The following MAGI2 variants were observed in gnomAD, a reference collection of about 807,000 sequenced individuals.
MAGI2 encodes membrane associated guanylate kinase, WW and PDZ domain containing 2.
In MAGI2, 35 loss-of-function variants were observed where a neutral mutation model predicts 133.3. The observed-to-expected ratio is 0.26, with a 90% CI of 0.20 to 0.35. The LOEUF is 0.35. MAGI2 is among the 10% of genes least tolerant of loss of function. The pLI is 1.00. For synonymous variants in MAGI2, 729 were observed against 710.6 expected (o/e 1.03, Z -0.41); for missense variants, 1,636 against 1,863.4 (o/e 0.88, Z 2.25).
intron 6 of MAGI2, among the ~76,000 whole-genome samples, chr7:78,395,129 C>A (rs761696870): frequency 1.3e-4 from 20 of 152,134 alleles, no homozygotes; most frequent in Admixed American, 2.6e-4. Context: ...GCTGTCTTGT[C>A]TTTCCTTCAA....
chr7:79,406,685 G>A (rs114707789), intron 1 of MAGI2, among the ~76,000 whole-genome samples: 328 of 152,072 alleles, frequency 2.2e-3, no homozygotes, highest in African/African-American at 7.4e-3. Context: ...AGTTACATAA[G>A]GATCTCCTAT....
At chr7:78,225,093 C>T (rs1010843336) in intron 10 of MAGI2, among the ~76,000 whole-genome samples, 7 of 152,130 alleles carry the variant, frequency 4.6e-5, no homozygotes, top group Non-Finnish European at 8.8e-5. Context: ...TCCCTGGAGT[C>T]TTTCTTTGGG....
At chr7:78,124,610 C>A (rs1375669543) in intron 20 of MAGI2, among the ~76,000 whole-genome samples, 2 of 152,086 alleles carry the variant, frequency 1.3e-5, no homozygotes, top group African/African-American at 4.8e-5. Flanking sequence ...CCCAAAGCCA[C>A]AGCTTTTCTT....
intron 2 of MAGI2, among the ~76,000 whole-genome samples, chr7:78,883,473 C>T (rs918845061): frequency 6.6e-6 from 1 of 152,102 alleles, no homozygotes; most frequent in Non-Finnish European, 1.5e-5. Context: ...CAATGCTATT[C>T]CTTTCAAACT....
At chr7:78,022,037 C>T (rs1253669499) in intron 21 of MAGI2, among the ~76,000 whole-genome samples, 35 of 152,174 alleles carry the variant, frequency 2.3e-4, no homozygotes, top group Non-Finnish European at 2.9e-5. Flanking sequence ...GCAGTCATTT[C>T]CAGGTGCTGT....
intron 2 of MAGI2, among the ~76,000 whole-genome samples, chr7:78,774,921 T>G (rs1825865918): frequency 1.3e-5 from 2 of 152,152 alleles, no homozygotes; most frequent in Admixed American, 6.6e-5. Flanking sequence ...CTGCAGATGC[T>G]ACATTATAAT....
chr7:78,510,121 T>C (rs543745875), intron 4 of MAGI2, among the ~76,000 whole-genome samples: 6 of 152,286 alleles, frequency 3.9e-5, no homozygotes, highest in African/African-American at 1.4e-4. Flanking sequence ...ATAAAGAGAA[T>C]AGGAATAATT....
At chr7:78,601,374 G>A (rs1173792096) in intron 3 of MAGI2, among the ~76,000 whole-genome samples, 1 of 152,140 alleles carries the variant, frequency 6.6e-6, no homozygotes, top group Admixed American at 6.5e-5. Context: ...CCAAAGATTT[G>A]AAAATGTGAC....
intron 1 of MAGI2, among the ~76,000 whole-genome samples, chr7:79,068,015 G>C (rs940579428): frequency 6.6e-6 from 1 of 151,988 alleles, no homozygotes; most frequent in Non-Finnish European, 1.5e-5. Flanking sequence ...GCCAGTATTT[G>C]ATTGAGGATT....
intron 1 of MAGI2, among the ~76,000 whole-genome samples, chr7:79,224,075 A>G (rs1336138541): frequency 4.6e-5 from 7 of 152,060 alleles, no homozygotes; most frequent in Admixed American, 1.3e-4. Flanking sequence ...AGTCTTGATT[A>G]TGCTCCACTT....
intron 1 of MAGI2, among the ~76,000 whole-genome samples, chr7:79,104,743 A>G (rs2129543484): frequency 6.6e-6 from 1 of 152,278 alleles, no homozygotes; most frequent in African/African-American, 2.4e-5. Flanking sequence ...GGGAATAACC[A>G]AGCAGCCATG....
chr7:79,171,770 A>ATATATATATATATATATTTTTTTT, intron 1 of MAGI2, among the ~76,000 whole-genome samples: 10 of 31,208 alleles, frequency 3.2e-4, no homozygotes, highest in East Asian at 6.5e-4. Context: ...ATATATATAT[A>ATATATATATATATATATTTTTTTT]TTTTTTTTTT....
chr7:78,999,700 G>T (rs1023224376), intron 2 of MAGI2, among the ~76,000 whole-genome samples: 7 of 152,146 alleles, frequency 4.6e-5, no homozygotes, highest in Admixed American at 2.6e-4. Context: ...ATATGCTACT[G>T]TTTAGAAGCT....
At chr7:78,807,838 C>T (rs1788714054) in intron 2 of MAGI2, among the ~76,000 whole-genome samples, 3 of 151,864 alleles carry the variant, frequency 2.0e-5, no homozygotes, top group Admixed American at 2.0e-4. Context: ...AGGTATCACA[C>T]TAAGGCCTTT....
chr7:78,872,403 A>G (rs934359396), intron 2 of MAGI2, among the ~76,000 whole-genome samples: 2 of 152,122 alleles, frequency 1.3e-5, no homozygotes, highest in African/African-American at 2.4e-5. Context: ...ACATCTCATC[A>G]ATAAGTTAAA....
At chr7:79,358,158 A>G (rs1367199804) in intron 1 of MAGI2, among the ~76,000 whole-genome samples, 3 of 152,072 alleles carry the variant, frequency 2.0e-5, no homozygotes, top group African/African-American at 7.2e-5. Flanking sequence ...TTGTAGTTAT[A>G]GTAACTTTCC....
intron 10 of MAGI2, among the ~76,000 whole-genome samples, chr7:78,202,449 G>A (rs1259432503): frequency 6.6e-6 from 1 of 151,946 alleles, no homozygotes; most frequent in Non-Finnish European, 1.5e-5. Flanking sequence ...TTGGGAGGCC[G>A]AGGCGGGCGG....
At chr7:78,110,659 A>G (rs1375640765) in intron 20 of MAGI2, among the ~76,000 whole-genome samples, 1 of 152,218 alleles carries the variant, frequency 6.6e-6, no homozygotes, top group Non-Finnish European at 1.5e-5. Context: ...ATTTATTAAA[A>G]AAGAAATATT....
intron 9 of MAGI2, among the ~76,000 whole-genome samples, chr7:78,329,487 A>G (rs1182249180): frequency 6.6e-6 from 1 of 152,198 alleles, no homozygotes; most frequent in Non-Finnish European, 1.5e-5. Flanking sequence ...GTGCATATAT[A>G]TACAATTGAA....
Sources: gnomAD v4.1 joint callset for allele counts (sites outside exome capture counted in the v4.1 genomes callset) on GRCh38, gnomAD v4.1.1 for gene constraint, MANE v1.5 for transcripts, NCBI Gene and HGNC (gene_info 2026-07-23, HGNC 2026-07-21) for gene names.